Variants in PLCB1 observed in about 807,000 individuals in gnomAD.
PLCB1 encodes the protein 1-phosphatidylinositol 4,5-bisphosphate phosphodiesterase beta-1.
In PLCB1, 46 loss-of-function variants were observed where a neutral mutation model predicts 161.8. The ratio of observed to expected loss-of-function variants is 0.28; its 90% CI spans 0.22 to 0.36. The LOEUF is 0.36. Among genes scored for constraint, PLCB1 ranks in the 10% least tolerant of loss-of-function variants. The pLI, the probability that PLCB1 is intolerant of heterozygous loss-of-function variation, is 1.00. For synonymous variants in PLCB1, 517 were observed against 503.7 expected (o/e 1.03, Z -0.35); for missense variants, 1,016 against 1,472.5 (o/e 0.69, Z 5.07).
intron 3 of PLCB1, among the ~76,000 whole-genome samples, chr20:8,623,362 C>A (rs1304002697): frequency 6.6e-6 from 1 of 152,120 alleles, no homozygotes; most frequent in Non-Finnish European, 1.5e-5. Flanking sequence ...TTAGCTCAAT[C>A]AATTCAAGCC....
At chr20:8,743,304 G>A (rs1980979191) in intron 23 of PLCB1, among the ~76,000 whole-genome samples, 1 of 152,138 alleles carries the variant, frequency 6.6e-6, no homozygotes, top group South Asian at 2.1e-4. Flanking sequence ...AACATCAATT[G>A]AAATGATCAT....
intron 3 of PLCB1, among the ~76,000 whole-genome samples, chr20:8,539,795 C>G (rs557117518): frequency 6.8e-6 from 1 of 147,772 alleles, no homozygotes; most frequent in South Asian, 2.1e-4. Context: ...CTTCCTTTCT[C>G]TCTTCCATTT....
chr20:8,810,672 G>A (rs946657790), intron 31 of PLCB1, among the ~76,000 whole-genome samples: 13 of 152,200 alleles, frequency 8.5e-5, no homozygotes, highest in South Asian at 2.1e-4. Context: ...ACTTGAAAAC[G>A]TCTGGTAGAG....
intron 2 of PLCB1, among the ~76,000 whole-genome samples, chr20:8,226,885 C>G (rs1416789995): frequency 6.6e-6 from 1 of 152,028 alleles, no homozygotes; most frequent in Admixed American, 6.6e-5. Context: ...GACAGAGGTT[C>G]ACCATCTTGG....
chr20:8,547,000 A>G (rs1342835789), intron 3 of PLCB1, among the ~76,000 whole-genome samples: 3 of 152,180 alleles, frequency 2.0e-5, no homozygotes, highest in African/African-American at 7.2e-5. Flanking sequence ...TTGGAAATCA[A>G]GGCTTGGCAT....
At chr20:8,589,894 C>A (rs998381937) in intron 3 of PLCB1, among the ~76,000 whole-genome samples, 1 of 152,090 alleles carries the variant, frequency 6.6e-6, no homozygotes, top group Admixed American at 6.6e-5. Flanking sequence ...GCAGGGATTA[C>A]AGGCATGAGC....
rs1014045557 is a variant in PLCB1, at chr20:8,368,547, A to G, written c.178-2835A>G. ...GTCTCTCAAAAAAAAAAAAAAAAAA[A>G]AAAGAAAAAGAAAAAATAAAAGAAA... is the stretch of plus-strand genomic sequence containing the variant. On this transcript the variant is annotated intron_variant, in intron 2 of 31. Transcript: ENST00000338037. 1.3e-4 allele frequency among the ~76,000 whole-genome samples: 20 copies of G among 150,778 alleles called. No individual in the cohort carries two copies. In the East Asian group the frequency reaches 1.9e-3, roughly 15 times the overall value.
intron 3 of PLCB1, among the ~76,000 whole-genome samples, chr20:8,579,393 T>C (rs1292369021): frequency 6.6e-6 from 1 of 152,152 alleles, no homozygotes; most frequent in African/African-American, 2.4e-5. Flanking sequence ...CCTTCACACA[T>C]GTGAGCAGGC....
chr20:8,876,036 A>G (rs1453368847), intron 31 of PLCB1, among the ~76,000 whole-genome samples: 1 of 152,186 alleles, frequency 6.6e-6, no homozygotes, highest in Admixed American at 6.5e-5. Context: ...GAAGAATTGA[A>G]TACATTTGAA....
intron 11 of PLCB1, 59 bp downstream of exon 11, chr20:8,697,842 A>G (rs1310820496): frequency 1.3e-6 from 2 of 1,513,094 alleles, no homozygotes; most frequent in Admixed American, 1.7e-5. Flanking sequence ...CCTTTTGGTT[A>G]AAGCCTCCTA....
chr20:8,644,666 C>T (rs1989097168), intron 4 of PLCB1, among the ~76,000 whole-genome samples: 1 of 151,492 alleles, frequency 6.6e-6, no homozygotes, highest in Non-Finnish European at 1.5e-5. Flanking sequence ...AAGTGAGGAG[C>T]GTCTCCGCCC....
chr20:8,594,124 A>C (rs1433170663), intron 3 of PLCB1, among the ~76,000 whole-genome samples: 1 of 151,974 alleles, frequency 6.6e-6, no homozygotes, highest in Non-Finnish European at 1.5e-5. Flanking sequence ...CTCAAGCAAT[A>C]CTTCTGGCCT....
At chr20:8,707,435 AAAGTGATAT>A (rs572350416) in intron 11 of PLCB1, among the ~76,000 whole-genome samples, 226 of 152,344 alleles carry the variant, frequency 1.5e-3, no homozygotes, top group Admixed American at 2.9e-3. Context: ...ACTACTACTG[AAAGTGATAT>A]AATTAAACAA....
At chr20:8,270,958 C>T (rs758886879) in intron 2 of PLCB1, among the ~76,000 whole-genome samples, 11 of 152,082 alleles carry the variant, frequency 7.2e-5, no homozygotes, top group Non-Finnish European at 1.3e-4. Context: ...AACAAACCTA[C>T]GCAAATATGG....
At chr20:8,151,433 G>T (rs1275948123) in intron 2 of PLCB1, among the ~76,000 whole-genome samples, 1 of 152,100 alleles carries the variant, frequency 6.6e-6, no homozygotes, top group African/African-American at 2.4e-5. Flanking sequence ...CATTCAAAAG[G>T]TGAATTTCAG....
At chr20:8,855,688 C>T (rs1987044396) in intron 31 of PLCB1, among the ~76,000 whole-genome samples, 1 of 152,138 alleles carries the variant, frequency 6.6e-6, no homozygotes, top group African/African-American at 2.4e-5. Context: ...TATCAGAACA[C>T]AGCATTTGTA....
In PLCB1 at chr20:8,361,994, G is replaced by A. The variant is rs182794043; in HGVS notation, c.178-9388G>A. Among the ~76,000 whole-genome samples, 186 of 152,304 alleles carry A rather than the reference G, an allele frequency of 1.2e-3. 1 individual carries two copies. Among genetic ancestry groups the A allele is most frequent in the African/African-American group, 4.3e-3 (180 of 41,556 alleles). Reference sequence around the variant, plus strand: ...CTAGTTAATCTGATTAGTCTGAAATGAGGAATTTAGCTTATCACAGGCAGT... The same window carrying A: ...CTAGTTAATCTGATTAGTCTGAAATAAGGAATTTAGCTTATCACAGGCAGT... On this transcript the variant is annotated intron_variant, in intron 2 of 31. Transcript: ENST00000338037.
intron 3 of PLCB1, among the ~76,000 whole-genome samples, chr20:8,566,567 G>T (rs1268651970): frequency 6.6e-6 from 1 of 152,134 alleles, no homozygotes; most frequent in Admixed American, 6.6e-5. Context: ...TGAGCAGTTA[G>T]ATTTTCCATG....
intron 2 of PLCB1, among the ~76,000 whole-genome samples, chr20:8,333,214 A>G (rs564490386): frequency 1.3e-5 from 2 of 152,190 alleles, no homozygotes; most frequent in Non-Finnish European, 2.9e-5. Flanking sequence ...GAGTTCCTCA[A>G]TAATCACCTG....
Sources: allele counts gnomAD v4.1 joint callset (sites outside exome capture counted in the v4.1 genomes callset), GRCh38; gene constraint gnomAD v4.1.1; transcripts MANE v1.5; gene names NCBI Gene and HGNC (gene_info 2026-07-23, HGNC 2026-07-21).